Variants in ZDHHC23 observed in about 807,000 individuals in gnomAD.
ZDHHC23 encodes palmitoyltransferase ZDHHC23.
ZDHHC23 carries 41 observed loss-of-function variants against 40.2 expected under a neutral mutation model. The observed-to-expected ratio is 1.02, with a 90% confidence interval of 0.79 to 1.32. The LOEUF is 1.32. Among genes scored for constraint, ZDHHC23 ranks in the 40% most tolerant of loss-of-function variants. The probability of loss-of-function intolerance (pLI) is 0.00; values close to 1 mark genes in which losing one functional copy is unlikely to be tolerated. For missense variants in ZDHHC23, 471 were observed against 541.5 expected (o/e 0.87, Z 1.29); for synonymous variants, 204 against 210.2 (o/e 0.97, Z 0.26).
At chr3:113,979,137 A>C in the ZDHHC23 span, 4 of 829,726 alleles carry the variant, frequency 4.8e-6, no homozygotes, top group South Asian at 6.8e-5. Flanking sequence ...CTGAAGGTAC[A>C]TGCAGCCTGT....
intron 2 of ZDHHC23, among the ~76,000 whole-genome samples, chr3:113,953,137 G>A (rs1938840853): frequency 6.6e-6 from 1 of 152,130 alleles, no homozygotes; most frequent in African/African-American, 2.4e-5. Context: ...CTCATGCCAG[G>A]TATGTGCTGC....
chr3:113,956,477 C>T lies in ZDHHC23; in HGVS notation c.1011C>T (p.Phe337=). The change falls in exon 4 of 5, where the codon TTC becomes TTT. Residue 337 remains phenylalanine (F), a synonymous_variant. Transcript: ENST00000638807. ...CRDRSVFTAL[F]YCPGVYANYS... ...ACAGAAGTGTCTTCACAGCTCTTTT[C>T]TATTGTCCTGGAGTTTATGCAAATT... is the stretch of plus-strand genomic sequence containing the variant. 1.9e-6 allele frequency: 3 copies of T among 1,614,082 alleles called. No homozygotes were observed. The highest frequency in any genetic ancestry group is 2.5e-6 in the Non-Finnish European group (3 of 1,179,996).
intron 4 of ZDHHC23, chr3:113,957,950 C>T (rs1045407684): frequency 5.0e-6 from 2 of 397,644 alleles, no homozygotes; most frequent in Non-Finnish European, 9.8e-6. Flanking sequence ...AGCACTGTTC[C>T]TCGGCATCCA....
chr3:113,948,772 T>C lies in ZDHHC23; in HGVS notation c.-31T>C. On this transcript the variant is annotated 5_prime_UTR_variant, in exon 2 of 5. Coordinates refer to ENST00000638807, the MANE Select transcript of ZDHHC23 (RefSeq NM_001320466.2). Reference sequence around the variant, plus strand: ...CTTTCCACCTTTACCTTCTGAGGGCTTCTTACGCCTCATGGTGACAGGTGC... The same window carrying C: ...CTTTCCACCTTTACCTTCTGAGGGCCTCTTACGCCTCATGGTGACAGGTGC... 1.2e-6 allele frequency: 2 copies of C among 1,613,530 alleles called. No homozygotes were observed. Among genetic ancestry groups the C allele is most frequent in the Non-Finnish European group, 1.7e-6 (2 of 1,179,802 alleles).
chr3:113,959,519 A>AG lies in ZDHHC23; in HGVS notation c.*891dup. 1 of 1,277,800 alleles carries AG rather than the reference A, an allele frequency of 7.8e-7. No homozygotes were observed. Among genetic ancestry groups the AG allele is most frequent in the Non-Finnish European group, 1.0e-6 (1 of 979,398 alleles). The allele number at this position is 1,277,800 out of a possible 1,614,324, so 79.2% of individuals were successfully genotyped here. A position where few individuals can be genotyped will look rare whatever the true frequency, so the allele number is the denominator to read the frequency against. On this transcript the variant is annotated 3_prime_UTR_variant, in exon 5 of 5. Transcript: ENST00000638807. ...GTTTTTCCTCTTCCCATGTTTCACC[A>AG]GGTAAGGTGCTAGCACACTTGTGAC...
rs1037354681 is a variant in ZDHHC23, at chr3:113,961,034, G to C, written c.*2404G>C. The C allele has an allele frequency of 8.7e-6, 3 of 343,496 alleles. No homozygotes were observed. Among genetic ancestry groups the C allele is most frequent in the Non-Finnish European group, 1.6e-5 (3 of 192,616 alleles). The allele number at this position is 343,496 out of a possible 1,614,324, so 21.3% of individuals were successfully genotyped here. A position where few individuals can be genotyped will look rare whatever the true frequency, so the allele number is the denominator to read the frequency against. On this transcript the variant is annotated 3_prime_UTR_variant, in exon 5 of 5. Transcript: ENST00000638807. ...GAACTATTTGAGGGGTTTCATTATA[G>C]GCCTTGGTTCTCTCCAGGGGCCAGA...
At chr3:113,957,973 T>TAGA (rs1939391187) in intron 4 of ZDHHC23, 1 of 371,294 alleles carries the variant, frequency 2.7e-6, no homozygotes, top group South Asian at 2.1e-5. Context: ...TGCAGCTTCC[T>TAGA]AGAAGACATT....
intron 3 of ZDHHC23, 124 bp from the exon 4 acceptor site, chr3:113,956,215 T>G (rs1357674523): frequency 1.8e-6 from 2 of 1,090,774 alleles, no homozygotes; most frequent in African/African-American, 3.2e-5. Flanking sequence ...CCATTGCACT[T>G]TAGCCTGAAC....
intron 3 of ZDHHC23, among the ~76,000 whole-genome samples, chr3:113,955,899 T>G (rs1939183456): frequency 6.6e-6 from 1 of 152,174 alleles, no homozygotes; most frequent in Non-Finnish European, 1.5e-5. Context: ...TCCCTAAAAT[T>G]GAAAAATAAG....
In ZDHHC23 at chr3:113,957,611, T is replaced by G. The variant is rs78448204; in HGVS notation, c.1041-752T>G. On this transcript the variant is annotated intron_variant, in intron 4 of 4. Transcript: ENST00000638807. The stretch of plus-strand genomic sequence containing the variant: ...GCAGGCGATTCACAGCACCTCATCT[T>G]TTTGGTTAGGTCCTTGGATTTAATA... 5.5e-3 allele frequency: 2,444 copies of G among 444,826 alleles called. 12 individuals carry two copies. Among genetic ancestry groups the G allele is most frequent in the Non-Finnish European group, 7.6e-3 (1,696 of 221,996 alleles). The allele number at this position is 444,826 out of a possible 1,614,324, so 27.6% of individuals were successfully genotyped here. A position where few individuals can be genotyped will look rare whatever the true frequency, so the allele number is the denominator to read the frequency against.
downstream of ZDHHC23, among the ~76,000 whole-genome samples, chr3:113,969,530 G>C (rs181996050): frequency 6.6e-6 from 1 of 152,266 alleles, no homozygotes; most frequent in African/African-American, 2.4e-5. Flanking sequence ...TTTGTGTATG[G>C]TGAGAGAAAG....
rs543055664 is a variant in ZDHHC23 at position 113,958,675 on chromosome 3, C to T, written c.*45C>T. The stretch of plus-strand genomic sequence containing the variant: ...TCTGAGGGATGATGGCTCCTCCTTC[C>T]GTCTCCCTTCCATTTTACACTTCAG... On this transcript the variant is annotated 3_prime_UTR_variant, in exon 5 of 5. Coordinates refer to ENST00000638807, the MANE Select transcript of ZDHHC23 (RefSeq NM_001320466.2). 6.3e-6 allele frequency: 10 copies of T among 1,593,384 alleles called. No individual in the cohort carries two copies. The highest frequency in any genetic ancestry group is 3.3e-5 in the South Asian group (3 of 89,584).
the ZDHHC23 span, among the ~76,000 whole-genome samples, chr3:113,974,460 C>T: frequency 6.6e-6 from 1 of 152,016 alleles, no homozygotes; most frequent in Admixed American, 6.6e-5. Flanking sequence ...GGTGGGACTA[C>T]AGATGCACAC....
chr3:113,952,999 G>A (rs1316832263), intron 2 of ZDHHC23, among the ~76,000 whole-genome samples: 1 of 152,174 alleles, frequency 6.6e-6, no homozygotes, highest in Non-Finnish European at 1.5e-5. Context: ...ACATAGCATA[G>A]CCTAAGTGTG....
chr3:113,960,565 T>A lies in ZDHHC23; in HGVS notation c.*1935T>A. 6 of 1,473,794 alleles carry A rather than the reference T, an allele frequency of 4.1e-6. No homozygotes were observed. The highest frequency in any genetic ancestry group is 5.4e-6 in the Non-Finnish European group (6 of 1,119,476). 91.3% of individuals were successfully genotyped at this position (1,473,794 alleles called of 1,614,324 possible). On this transcript the variant is annotated 3_prime_UTR_variant, in exon 5 of 5. Transcript: ENST00000638807. ...TCTAGCCATTGATCATACAAATTGA[T>A]AGAAACATTAGTCAGTAATTTTAGC... is the stretch of plus-strand genomic sequence containing the variant.
At chr3:113,978,237 A>G in the ZDHHC23 span, 1 of 1,613,800 alleles carries the variant, frequency 6.2e-7, no homozygotes, top group Non-Finnish European at 8.5e-7. Flanking sequence ...ATCGATCTTC[A>G]CCTCCCTGAC....
chr3:113,970,336 A>AT (rs907721310), downstream of ZDHHC23, among the ~76,000 whole-genome samples: 2 of 151,582 alleles, frequency 1.3e-5, no homozygotes, highest in Non-Finnish European at 1.5e-5. Context: ...ATTTGGATAC[A>AT]TTTTTTTTAA....
the ZDHHC23 span, among the ~76,000 whole-genome samples, chr3:113,970,416 T>C: frequency 6.6e-6 from 1 of 152,104 alleles, no homozygotes; most frequent in Non-Finnish European, 1.5e-5. Flanking sequence ...CATAGTGGCC[T>C]CCCAAAGCCC....
At chr3:113,975,325 G>T in the ZDHHC23 span, among the ~76,000 whole-genome samples, 1 of 152,178 alleles carries the variant, frequency 6.6e-6, no homozygotes, top group Non-Finnish European at 1.5e-5. Context: ...AAGACCAATA[G>T]ATGTCTCTCC....
Sources: gnomAD v4.1 joint callset for allele counts (sites outside exome capture counted in the v4.1 genomes callset) on GRCh38, gnomAD v4.1.1 for gene constraint, MANE v1.5 for transcripts, NCBI Gene and HGNC (gene_info 2026-07-23, HGNC 2026-07-21) for gene names.